Variants in SORCS1 observed in about 807,000 individuals in gnomAD.
SORCS1 encodes the protein sortilin related VPS10 domain containing receptor 1.
In SORCS1, 60 loss-of-function variants were observed where a neutral mutation model predicts 146.1. That is an observed-to-expected ratio of 0.41 (90% CI 0.33 to 0.51). The LOEUF (loss-of-function observed/expected upper bound fraction) is 0.51. SORCS1 is among the 20% of genes least tolerant of loss of function. SORCS1 has a pLI of 0.21. For missense variants in SORCS1, 1,352 were observed against 1,487.6 expected (o/e 0.91, Z 1.50); for synonymous variants, 637 against 584.0 (o/e 1.09, Z -1.31).
At chr10:106,901,030 T>C (rs959270643) in intron 2 of SORCS1, among the ~76,000 whole-genome samples, 1 of 152,224 alleles carries the variant, frequency 6.6e-6, no homozygotes, top group African/African-American at 2.4e-5. Context: ...AATGCTCACA[T>C]ATCAGTGGCT....
At chr10:106,943,261 C>A (rs1954143382) in intron 2 of SORCS1, among the ~76,000 whole-genome samples, 1 of 152,150 alleles carries the variant, frequency 6.6e-6, no homozygotes, top group African/African-American at 2.4e-5. Context: ...AACTTTCAAG[C>A]AGCAGCAACT....
At chr10:106,820,447 G>A (rs1589469290) in intron 3 of SORCS1, among the ~76,000 whole-genome samples, 1 of 152,168 alleles carries the variant, frequency 6.6e-6, no homozygotes, top group African/African-American at 2.4e-5. Flanking sequence ...GGAACAAAGG[G>A]ACAAAACCAT....
chr10:107,048,712 G>A (rs1057241580), intron 1 of SORCS1, among the ~76,000 whole-genome samples: 1 of 152,080 alleles, frequency 6.6e-6, no homozygotes, highest in Admixed American at 6.5e-5. Flanking sequence ...CATTCACATC[G>A]TAGGTGACAC....
chr10:107,135,557 AGCACCT>A (rs1486452699), intron 1 of SORCS1, among the ~76,000 whole-genome samples: 2 of 152,234 alleles, frequency 1.3e-5, no homozygotes, highest in African/African-American at 4.8e-5. Context: ...CTCCTTAACC[AGCACCT>A]GCCAATCCAG....
At chr10:106,988,134 T>A (rs1338479321) in intron 1 of SORCS1, among the ~76,000 whole-genome samples, 1 of 152,174 alleles carries the variant, frequency 6.6e-6, no homozygotes, top group African/African-American at 2.4e-5. Context: ...TCAACAGAAG[T>A]AGTGGGAAAG....
intron 2 of SORCS1, among the ~76,000 whole-genome samples, chr10:106,905,201 C>A (rs1951861772): frequency 6.6e-6 from 1 of 151,884 alleles, no homozygotes; most frequent in African/African-American, 2.4e-5. Flanking sequence ...CTAAATAAAT[C>A]CAAGAGTTGT....
At position 106,987,574 on chromosome 10, in the gene SORCS1, C is replaced by T. The variant is rs74152296; in HGVS notation, c.559-30994G>A. ...CATAGCCACCCAATGCCTTACGGAC[C>T]GGGCAGTGCCCTCAGGGGAGAAACT... is the stretch of plus-strand genomic sequence containing the variant. On this transcript the variant is annotated intron_variant, in intron 1 of 25. Coordinates refer to ENST00000263054, the MANE Select transcript of SORCS1 (RefSeq NM_052918.5). Among the ~76,000 whole-genome samples, 513 of 152,278 alleles carry T rather than the reference C, an allele frequency of 3.4e-3. 4 individuals are homozygous for T. The highest frequency in any genetic ancestry group is 0.011 in the African/African-American group (454 of 41,566).
intron 2 of SORCS1, among the ~76,000 whole-genome samples, chr10:106,872,189 A>T (rs957583374): frequency 8.5e-5 from 13 of 152,244 alleles, no homozygotes; most frequent in African/African-American, 3.1e-4. Context: ...ACTACTTTAT[A>T]TAGCATAGCC....
intron 2 of SORCS1, among the ~76,000 whole-genome samples, chr10:106,914,311 T>C (rs1952307292): frequency 6.6e-6 from 1 of 152,158 alleles, no homozygotes. Context: ...TTACAGACTG[T>C]TAAATTCGTA....
At chr10:106,677,771 T>A (rs1852144748) in intron 12 of SORCS1, among the ~76,000 whole-genome samples, 2 of 152,288 alleles carry the variant, frequency 1.3e-5, no homozygotes, top group African/African-American at 4.8e-5. Flanking sequence ...AATCATTTAC[T>A]CCAATAGTCT....
intron 2 of SORCS1, among the ~76,000 whole-genome samples, chr10:106,919,741 C>CT (rs1952615738): frequency 6.6e-6 from 1 of 152,138 alleles, no homozygotes; most frequent in Non-Finnish European, 1.5e-5. Context: ...TAAAGTCACA[C>CT]TTTTTTCTAT....
chr10:106,751,795 G>A (rs1308190644), intron 5 of SORCS1, among the ~76,000 whole-genome samples: 2 of 152,170 alleles, frequency 1.3e-5, no homozygotes, highest in African/African-American at 4.8e-5. Context: ...ATGTGTACAT[G>A]TACAAGCATG....
intron 1 of SORCS1, among the ~76,000 whole-genome samples, chr10:106,981,350 G>T (rs1454836720): frequency 2.0e-5 from 3 of 152,172 alleles, no homozygotes; most frequent in East Asian, 1.9e-4. Flanking sequence ...TAGTGCAATT[G>T]TGAGTGCTGA....
intron 19 of SORCS1, 107 bp downstream of exon 19, chr10:106,629,095 G>T: frequency 1.0e-6 from 1 of 973,788 alleles, no homozygotes; most frequent in Non-Finnish European, 1.5e-6. Flanking sequence ...TTCCCCTTCT[G>T]CTAAAAGATA....
At chr10:107,102,442 G>T (rs917824711) in intron 1 of SORCS1, among the ~76,000 whole-genome samples, 1 of 152,194 alleles carries the variant, frequency 6.6e-6, no homozygotes, top group East Asian at 1.9e-4. Context: ...GTGTTCCCAA[G>T]TGAAGACTGG....
At chr10:106,901,912 C>T (rs990724493) in intron 2 of SORCS1, among the ~76,000 whole-genome samples, 4 of 151,988 alleles carry the variant, frequency 2.6e-5, no homozygotes, top group East Asian at 1.9e-4. Flanking sequence ...GGCATGGTGG[C>T]GGGCACCTGT....
intron 2 of SORCS1, among the ~76,000 whole-genome samples, chr10:106,930,993 C>T (rs1462833622): frequency 6.6e-6 from 1 of 152,208 alleles, no homozygotes; most frequent in African/African-American, 2.4e-5. Context: ...ATGCTGATAA[C>T]TGTGGTTTTA....
intron 6 of SORCS1, among the ~76,000 whole-genome samples, chr10:106,718,119 C>T (rs1329637730): frequency 6.6e-6 from 1 of 152,096 alleles, no homozygotes; most frequent in Non-Finnish European, 1.5e-5. Context: ...CTCATTATTC[C>T]AGAAAGAAGG....
intron 5 of SORCS1, among the ~76,000 whole-genome samples, chr10:106,750,092 G>A (rs1054699499): frequency 6.6e-6 from 1 of 152,202 alleles, no homozygotes; most frequent in Non-Finnish European, 1.5e-5. Flanking sequence ...TGAAAGCTAA[G>A]TGAGGTGTGA....
Sources: allele counts gnomAD v4.1 joint callset (sites outside exome capture counted in the v4.1 genomes callset), GRCh38; gene constraint gnomAD v4.1.1; transcripts MANE v1.5; gene names NCBI Gene and HGNC (gene_info 2026-07-23, HGNC 2026-07-21).